The following MARK2 variants were observed in gnomAD, a reference collection of about 807,000 sequenced individuals.
MARK2 encodes serine/threonine-protein kinase MARK2.
Under a neutral mutation model 89.8 loss-of-function variants are expected in MARK2, and 16 were observed. That is an observed-to-expected ratio of 0.18 (90% CI 0.12 to 0.27). The LOEUF (loss-of-function observed/expected upper bound fraction) is 0.27, where lower values mean the gene tolerates loss of function less well. MARK2 is among the 10% of genes least tolerant of loss of function. The pLI is 1.00. For synonymous variants in MARK2, 382 were observed against 399.5 expected, an observed-to-expected ratio of 0.96 and a Z score of 0.52; for missense variants, 621 against 1,049.9, an observed-to-expected ratio of 0.59 and a Z score of 5.65.
Position 63,898,786 on chromosome 11 carries a change from G to A in MARK2, c.427G>A (p.Ala143Thr). 6.2e-7 allele frequency: 1 copy of A among 1,614,106 alleles called. No individual in the cohort carries two copies. The highest frequency in any genetic ancestry group is 8.5e-7 in the Non-Finnish European group (1 of 1,180,024). Residue 143 changes from alanine (A) to threonine (T), a missense_variant, in exon 6 of 19, where the codon GCT (alanine) becomes ACT (threonine). Transcript: ENST00000402010. ...SGGEVFDYLV[A>T]HGRMKEKEAR... is the part of the protein sequence containing the mutation. ...AGGAGAGGTATTTGATTACCTAGTGGCTCATGGCAGGATGAAAGAAAAAGA... is the reference window on the plus strand; with the variant it reads ...AGGAGAGGTATTTGATTACCTAGTGACTCATGGCAGGATGAAAGAAAAAGA...
intron 1 of MARK2, among the ~76,000 whole-genome samples, chr11:63,889,803 G>C (rs559093170): frequency 6.6e-6 from 1 of 152,318 alleles, no homozygotes; most frequent in African/African-American, 2.4e-5. Flanking sequence ...AAGGCTACTT[G>C]AGAGCCATAG....
At chr11:63,906,520 A>C (rs926194488) in intron 17 of MARK2, among the ~76,000 whole-genome samples, 17 of 129,084 alleles carry the variant, frequency 1.3e-4, no homozygotes, top group African/African-American at 4.8e-4. Flanking sequence ...TTTTGGTCAC[A>C]AGTGTTGGGA....
chr11:63,855,926 A>G (rs1038566955), intron 1 of MARK2, among the ~76,000 whole-genome samples: 2 of 151,900 alleles, frequency 1.3e-5, no homozygotes, highest in Non-Finnish European at 3.0e-5. Context: ...TAGCATAAAC[A>G]TGTGGATTTA....
rs1940785802 is a variant in MARK2, at chr11:63,900,692, C to G, written c.888+14C>G. The stretch of plus-strand genomic sequence containing the variant: ...GGCACTTTAGAGGTGAGCAGTGGAG[C>G]CCAACTGGCGGAAGGGCCTGGGGTC... On this transcript the variant is annotated intron_variant, in intron 9 of 18. Coordinates refer to ENST00000402010, the MANE Select transcript of MARK2 (RefSeq NM_001039469.3). This position sits in a 1 kb window ranked among gnomAD's most constrained non-coding sequence, Gnocchi z 4.7. 5.6e-6 allele frequency: 9 copies of G among 1,613,950 alleles called. No individual in the cohort carries two copies. Among genetic ancestry groups the G allele is most frequent in the Non-Finnish European group, 7.6e-6 (9 of 1,179,808 alleles).
At chr11:63,896,540 A>C (rs534992739) in intron 3 of MARK2, among the ~76,000 whole-genome samples, 1 of 152,336 alleles carries the variant, frequency 6.6e-6, no homozygotes, top group South Asian at 2.1e-4. Context: ...GATTCGTGCT[A>C]ACAGAGTCAG....
At position 63,893,293 on chromosome 11, in the gene MARK2, T is replaced by G. The variant is rs1473933457; in HGVS notation, c.55-1866T>G. Among the ~76,000 whole-genome samples, 4 of 47,492 alleles carry G rather than the reference T, an allele frequency of 8.4e-5. No individual in the cohort carries two copies. The East Asian group carries it at 6.3e-3, about 75-fold the overall frequency. The allele number at this position is 47,492 out of a possible 152,430, so 31.2% of individuals were successfully genotyped here. A position where few individuals can be genotyped will look rare whatever the true frequency, so the allele number is the denominator to read the frequency against. On this transcript the variant is annotated intron_variant, in intron 1 of 18. Coordinates refer to ENST00000402010, the MANE Select transcript of MARK2 (RefSeq NM_001039469.3). Reference sequence around the variant, plus strand: ...CTCAGCCTCCTAAAGTGCTGGGATTTAGGCATGAGCTACCTTGCCTGGCCT... The same window carrying G: ...CTCAGCCTCCTAAAGTGCTGGGATTGAGGCATGAGCTACCTTGCCTGGCCT...
chr11:63,872,641 A>G (rs960314919), intron 1 of MARK2, among the ~76,000 whole-genome samples: 2 of 152,036 alleles, frequency 1.3e-5, no homozygotes, highest in Non-Finnish European at 2.9e-5. Flanking sequence ...TAGGAGTACC[A>G]TTCAGAGTTC....
intron 1 of MARK2, chr11:63,889,098 G>A (rs1230914800): frequency 5.1e-6 from 3 of 583,800 alleles, no homozygotes; most frequent in East Asian, 1.3e-4. Flanking sequence ...TGGGAAGGGT[G>A]TCCAGATGTG....
intron 1 of MARK2, among the ~76,000 whole-genome samples, chr11:63,881,698 C>T (rs925463655): frequency 1.3e-5 from 2 of 152,130 alleles, no homozygotes; most frequent in African/African-American, 4.8e-5. Flanking sequence ...GTAATCCCAG[C>T]ACTTTGGGAG....
chr11:63,855,108 A>G (rs2016774576), intron 1 of MARK2, among the ~76,000 whole-genome samples: 1 of 152,226 alleles, frequency 6.6e-6, no homozygotes, highest in Non-Finnish European at 1.5e-5. Context: ...CGAGATTGGT[A>G]GTAAAATTAA....
intron 1 of MARK2, among the ~76,000 whole-genome samples, chr11:63,839,823 A>C (rs2015916431): frequency 6.7e-6 from 1 of 150,214 alleles, no homozygotes. Flanking sequence ...CTTCCGTGTC[A>C]CCTCCCCAGC....
intron 1 of MARK2, chr11:63,890,371 T>G (rs1415569639): frequency 1.1e-6 from 1 of 875,014 alleles, no homozygotes; most frequent in Non-Finnish European, 1.6e-6. Context: ...GTTGGTGACT[T>G]TGGAGCAGGG....
At chr11:63,898,071 C>A (rs1416018083) in intron 3 of MARK2, among the ~76,000 whole-genome samples, 161 bp from the exon 4 acceptor site, 1 of 152,180 alleles carries the variant, frequency 6.6e-6, no homozygotes, top group East Asian at 1.9e-4. Flanking sequence ...CCCAACTTCC[C>A]AGCCACAGGG....
rs371844054 is a variant in MARK2 at position 63,887,585 on chromosome 11, G to A, written c.55-7574G>A. On this transcript the variant is annotated intron_variant, in intron 1 of 18. Coordinates refer to ENST00000402010, the MANE Select transcript of MARK2 (RefSeq NM_001039469.3). ...AGAGGAAGCTTTGCCCTTCCCTAGA[G>A]GGTTAATGGCTACCAACGTGAGAAG... 3.9e-5 allele frequency among the ~76,000 whole-genome samples: 6 copies of A among 152,228 alleles called. No individual in the cohort carries two copies. The East Asian group carries it at 1.2e-3, about 29-fold the overall frequency.
intron 17 of MARK2, 96 bp downstream of exon 17, chr11:63,906,210 T>G (rs1941324249): frequency 1.6e-6 from 2 of 1,238,934 alleles, no homozygotes; most frequent in Non-Finnish European, 2.0e-6. Context: ...GCTCTTACTC[T>G]CCTCCATCTG....
chr11:63,848,425 G>C (rs1215457323), intron 1 of MARK2, among the ~76,000 whole-genome samples: 1 of 151,990 alleles, frequency 6.6e-6, no homozygotes, highest in Non-Finnish European at 1.5e-5. Flanking sequence ...TTGCTCTGTT[G>C]CCCAGGCTGG....
chr11:63,895,099 G>C (rs1449877522), intron 1 of MARK2, 60 bp from the exon 2 acceptor site: 11 of 1,461,300 alleles, frequency 7.5e-6, no homozygotes, highest in Admixed American at 1.8e-5. Context: ...ATATTTTGCA[G>C]AGAGCGTTTA....
intron 1 of MARK2, among the ~76,000 whole-genome samples, chr11:63,894,711 A>G (rs902725271): frequency 6.6e-6 from 1 of 152,194 alleles, no homozygotes; most frequent in African/African-American, 2.4e-5. Context: ...AAATAAATAA[A>G]TAAAAAATAA....
At chr11:63,853,251 T>C (rs2016662593) in intron 1 of MARK2, among the ~76,000 whole-genome samples, 1 of 152,014 alleles carries the variant, frequency 6.6e-6, no homozygotes, top group Non-Finnish European at 1.5e-5. Context: ...ATACAAAAAT[T>C]AGCCAGGCGT....
Sources: gnomAD v4.1 joint callset for allele counts (sites outside exome capture counted in the v4.1 genomes callset) on GRCh38, gnomAD v4.1.1 for gene constraint, Gnocchi (gnomAD v3.1) non-coding constraint, MANE v1.5 for transcripts, NCBI Gene and HGNC (gene_info 2026-07-23, HGNC 2026-07-21) for gene names.